Variants in KCNK2 observed in about 807,000 individuals in gnomAD.
KCNK2 encodes potassium two pore domain channel subfamily K member 2.
A neutral mutation model predicts 40.5 loss-of-function variants in KCNK2; 21 were observed. The ratio of observed to expected loss-of-function variants is 0.52; its 90% CI spans 0.37 to 0.75. The LOEUF (loss-of-function observed/expected upper bound fraction) is 0.75, where lower values mean the gene tolerates loss of function less well. Ranked by LOEUF, KCNK2 falls within the 30% of genes least tolerant of loss-of-function variation. The pLI is 0.00. For missense variants in KCNK2, 399 were observed against 531.6 expected, an observed-to-expected ratio of 0.75 and a Z score of 2.45; for synonymous variants, 191 against 202.2, an observed-to-expected ratio of 0.94 and a Z score of 0.47.
intron 1 of KCNK2, among the ~76,000 whole-genome samples, chr1:215,042,850 A>G (rs1657614100): frequency 6.6e-6 from 1 of 152,212 alleles, no homozygotes; most frequent in African/African-American, 2.4e-5. Flanking sequence ...TTTTAGCCTA[A>G]TTAACTTTTT....
chr1:215,115,106 C>G, intron 2 of KCNK2, among the ~76,000 whole-genome samples: 1 of 151,740 alleles, frequency 6.6e-6, no homozygotes, highest in Non-Finnish European at 1.5e-5. Context: ...CACTATGATT[C>G]TGGAAGGACA....
At chr1:215,215,388 C>G (rs1332974368) in intron 6 of KCNK2, among the ~76,000 whole-genome samples, 1 of 152,016 alleles carries the variant, frequency 6.6e-6, no homozygotes, top group Non-Finnish European at 1.5e-5. Flanking sequence ...AACAGAAACC[C>G]ATTATAACAC....
intron 3 of KCNK2, among the ~76,000 whole-genome samples, chr1:215,160,879 T>C (rs1663163755): frequency 6.6e-6 from 1 of 152,148 alleles, no homozygotes; most frequent in Non-Finnish European, 1.5e-5. Context: ...TCTGTGGCTC[T>C]CTCCTTTGAT....
chr1:215,036,655 A>G (rs1450950484), intron 1 of KCNK2, among the ~76,000 whole-genome samples: 4 of 151,924 alleles, frequency 2.6e-5, no homozygotes, highest in Non-Finnish European at 5.9e-5. Flanking sequence ...TGATTCATCT[A>G]ATCTTTGAAT....
chr1:215,089,830 T>C (rs553927020), intron 2 of KCNK2, among the ~76,000 whole-genome samples: 928 of 63,590 alleles, frequency 0.015, 10 homozygotes, highest in African/African-American at 0.05. Flanking sequence ...TTTTTCTTTT[T>C]TTTTTTTTAT....
intron 1 of KCNK2, among the ~76,000 whole-genome samples, chr1:215,007,330 G>A (rs1656218579): frequency 6.7e-6 from 1 of 148,978 alleles, no homozygotes; most frequent in Non-Finnish European, 1.5e-5. Context: ...TGATGGGTTG[G>A]ACAAGACACT....
In KCNK2 at chr1:215,195,110, T is replaced by C; in HGVS notation, c.963+18T>C. On this transcript the variant is annotated intron_variant, in intron 6 of 6. Coordinates refer to ENST00000444842, the MANE Select transcript of KCNK2 (RefSeq NM_001017425.3). ...AAGAAGAGGTGAGAATTAAGAAGTG[T>C]GCAAAAAACTTCTATTTAGTTAATT... 1 of 1,561,624 alleles carries C rather than the reference T, an allele frequency of 6.4e-7. No homozygotes were observed. Among genetic ancestry groups the C allele is most frequent in the East Asian group, 2.3e-5 (1 of 43,764 alleles).
intron 5 of KCNK2, 27 bp downstream of exon 5, chr1:215,172,210 C>A: frequency 3.2e-6 from 5 of 1,581,162 alleles, no homozygotes; most frequent in Non-Finnish European, 4.3e-6. Flanking sequence ...ATCCATGTTA[C>A]TCTTCTAACA....
chr1:215,043,606 A>G (rs1327295272), intron 1 of KCNK2, among the ~76,000 whole-genome samples: 1 of 152,228 alleles, frequency 6.6e-6, no homozygotes, highest in Non-Finnish European at 1.5e-5. Flanking sequence ...TCATAGAGAC[A>G]GAAAGTAGAA....
chr1:215,220,141 T>A (rs1666112797), intron 6 of KCNK2, among the ~76,000 whole-genome samples: 1 of 152,234 alleles, frequency 6.6e-6, no homozygotes, highest in Non-Finnish European at 1.5e-5. Flanking sequence ...CATATTTCCA[T>A]ATCTGTTTAT....
At chr1:215,223,462 A>G (rs935789974) in intron 6 of KCNK2, among the ~76,000 whole-genome samples, 10 of 152,112 alleles carry the variant, frequency 6.6e-5, no homozygotes, top group Non-Finnish European at 1.3e-4. Context: ...TCAAATGAAA[A>G]ATATAGATAA....
At chr1:215,053,246 C>A (rs1207808808) in intron 1 of KCNK2, among the ~76,000 whole-genome samples, 1 of 152,114 alleles carries the variant, frequency 6.6e-6, no homozygotes, top group Non-Finnish European at 1.5e-5. Context: ...GGGAATGCTA[C>A]ATGTCTTTCT....
At chr1:215,223,577 C>T (rs909284160) in intron 6 of KCNK2, among the ~76,000 whole-genome samples, 1 of 152,008 alleles carries the variant, frequency 6.6e-6, no homozygotes, top group African/African-American at 2.4e-5. Context: ...GGCCCTGAGT[C>T]AAAGGAATGC....
intron 6 of KCNK2, among the ~76,000 whole-genome samples, chr1:215,231,676 T>C (rs1466154559): frequency 6.6e-6 from 1 of 152,020 alleles, no homozygotes; most frequent in African/African-American, 2.4e-5. Context: ...AGACAGAAAA[T>C]CAGTGTCTGC....
At chr1:215,007,175 A>ATG (rs1553254742) in intron 1 of KCNK2, among the ~76,000 whole-genome samples, 1 of 74,352 alleles carries the variant, frequency 1.3e-5, no homozygotes, top group Non-Finnish European at 2.4e-5. Context: ...ATATATATGT[A>ATG]TGTGTGTGGG....
In KCNK2 at chr1:215,063,671, G is replaced by A. The variant is rs370168989; in HGVS notation, c.35-22697G>A. On this transcript the variant is annotated intron_variant, in intron 1 of 6. Coordinates refer to the KCNK2 transcript ENST00000391895. ...ATACCACGTTAGCTACTCCTCTCTC[G>A]CTCAGACTCCTCTGAGAGAATGGCA... Among the ~76,000 whole-genome samples the A allele has an allele frequency of 6.6e-5, 10 of 152,134 alleles. No individual in the cohort carries two copies. In the South Asian group the frequency reaches 2.1e-3, roughly 31 times the overall value.
intron 6 of KCNK2, among the ~76,000 whole-genome samples, chr1:215,230,102 C>T (rs1168659278): frequency 0.055 from 2,307 of 41,752 alleles, 65 homozygotes; most frequent in African/African-American, 0.085. Flanking sequence ...TACACACACA[C>T]ACACACACAC....
intron 1 of KCNK2, among the ~76,000 whole-genome samples, chr1:215,031,625 C>G (rs1439149633): frequency 6.7e-6 from 1 of 149,100 alleles, no homozygotes; most frequent in Non-Finnish European, 1.5e-5. Context: ...AAATCTGAAA[C>G]AATATGAAAT....
intron 6 of KCNK2, among the ~76,000 whole-genome samples, chr1:215,217,497 T>C (rs1005316820): frequency 2.3e-4 from 35 of 152,160 alleles, no homozygotes; most frequent in African/African-American, 7.2e-4. Flanking sequence ...TTTTCTCACA[T>C]CTTTATTACT....
Sources: gnomAD v4.1 joint callset for allele counts (sites outside exome capture counted in the v4.1 genomes callset) on GRCh38, gnomAD v4.1.1 for gene constraint, MANE v1.5 for transcripts, NCBI Gene and HGNC (gene_info 2026-07-23, HGNC 2026-07-21) for gene names.